Variants in LRIF1 observed in about 807,000 individuals in gnomAD.
LRIF1 encodes ligand dependent nuclear receptor interacting factor 1, also known as ligand-dependent nuclear receptor-interacting factor 1.
LRIF1 carries 32 observed loss-of-function variants against 52.7 expected under a neutral mutation model. The observed-to-expected ratio is 0.61, with a 90% CI of 0.46 to 0.82. The LOEUF (loss-of-function observed/expected upper bound fraction) is 0.82, where lower values mean the gene tolerates loss of function less well. Among genes scored for constraint, LRIF1 ranks in the 40% least tolerant of loss-of-function variants. The pLI is 0.00. For synonymous variants in LRIF1, 323 were observed against 317.4 expected (o/e 1.02, Z -0.19); for missense variants, 887 against 892.0 (o/e 0.99, Z 0.07).
intron 1 of LRIF1, among the ~76,000 whole-genome samples, chr1:110,961,374 G>C (rs1658941295): frequency 6.6e-6 from 1 of 152,196 alleles, no homozygotes; most frequent in Non-Finnish European, 1.5e-5. Flanking sequence ...TGGTAAGCTA[G>C]GATATGAACC....
chr1:110,898,379 G>GGA, the LRIF1 span, among the ~76,000 whole-genome samples: 1 of 115,658 alleles, frequency 8.6e-6, no homozygotes, highest in Non-Finnish European at 1.7e-5. Flanking sequence ...TCTGTCTCCA[G>GGA]AAAAAAAAAA....
At chr1:110,892,398 C>T in the LRIF1 span, 2 of 1,614,022 alleles carry the variant, frequency 1.2e-6, no homozygotes, top group Non-Finnish European at 1.7e-6. Flanking sequence ...TCCACAACAA[C>T]TTCGGAGTGC....
chr1:110,945,381 T>TC (rs1231777267), downstream of LRIF1, among the ~76,000 whole-genome samples: 1 of 151,868 alleles, frequency 6.6e-6, no homozygotes, highest in Non-Finnish European at 1.5e-5. Flanking sequence ...CACTTGCCCT[T>TC]CCCTCCCCCT....
chr1:110,891,386 C>A, the LRIF1 span: 279 of 1,601,132 alleles, frequency 1.7e-4, 1 homozygote, highest in Non-Finnish European at 8.6e-7. Flanking sequence ...CTTCCTTATT[C>A]CTTAGGGCAA....
chr1:110,949,066 G>A (rs1395549461), intron 3 of LRIF1, among the ~76,000 whole-genome samples: 2 of 151,974 alleles, frequency 1.3e-5, no homozygotes, highest in Non-Finnish European at 2.9e-5. Flanking sequence ...ATCTTTAACT[G>A]GGATGCATTT....
At chr1:110,960,708 T>A (rs1199802674) in intron 1 of LRIF1, among the ~76,000 whole-genome samples, 4 of 152,192 alleles carry the variant, frequency 2.6e-5, no homozygotes, top group Admixed American at 2.6e-4. Flanking sequence ...ACTGGCATCA[T>A]AATTGATCCC....
At chr1:110,960,389 T>C (rs566594452) in intron 1 of LRIF1, among the ~76,000 whole-genome samples, 21 of 152,206 alleles carry the variant, frequency 1.4e-4, no homozygotes, top group Admixed American at 4.6e-4. Context: ...ACAAAATGCA[T>C]ACTGAACTGA....
chr1:110,920,082 C>G, the LRIF1 span, among the ~76,000 whole-genome samples: 12 of 152,194 alleles, frequency 7.9e-5, no homozygotes, highest in African/African-American at 2.9e-4. Context: ...CCAGAAGTCT[C>G]TCATTCACTA....
chr1:110,916,253 C>T, the LRIF1 span, among the ~76,000 whole-genome samples: 1 of 152,030 alleles, frequency 6.6e-6, no homozygotes, highest in Admixed American at 6.5e-5. Context: ...ATAATAATAT[C>T]TTGCAAAGTT....
rs773379392 is a variant in LRIF1, at chr1:110,947,987, T to A, written c.2282A>T (p.Glu761Val). ...TTTTTGGTGCATCTTCTTACGCATT[T>A]CTTCAAGAGCTGCTTCTTTCTCTCT... ...VLREKEAALEEMRKKMHQK is the reference protein window; with the variant it reads ...VLREKEAALEVMRKKMHQK Residue 761 changes from glutamate (E) to valine (V), a missense_variant, in exon 4 of 4, where the codon GAA becomes GTA. By Grantham distance (121) the Glu-to-Val change is moderately radical (BLOSUM62 -2). Transcript: ENST00000369763. 4.4e-6 allele frequency: 7 copies of A among 1,584,110 alleles called. No individual in the cohort carries two copies. The highest frequency in any genetic ancestry group is 5.1e-6 in the Non-Finnish European group (6 of 1,168,428).
At chr1:110,880,715 T>C in the LRIF1 span, among the ~76,000 whole-genome samples, 2 of 152,202 alleles carry the variant, frequency 1.3e-5, no homozygotes, top group Non-Finnish European at 2.9e-5. Context: ...TCTGAGGTAA[T>C]GAGGCTTTGA....
the LRIF1 span, among the ~76,000 whole-genome samples, chr1:110,921,706 G>T: frequency 6.6e-6 from 1 of 152,100 alleles, no homozygotes; most frequent in East Asian, 1.9e-4. Flanking sequence ...TAATTATAGT[G>T]GGATATGTCT....
At chr1:110,897,858 T>A in the LRIF1 span, 1 of 1,612,020 alleles carries the variant, frequency 6.2e-7, no homozygotes, top group South Asian at 1.1e-5. Flanking sequence ...TTCCTGTATA[T>A]CGGAATCATC....
the LRIF1 span, among the ~76,000 whole-genome samples, chr1:110,879,273 C>A: frequency 6.6e-6 from 1 of 152,146 alleles, no homozygotes; most frequent in Non-Finnish European, 1.5e-5. Context: ...GCCCTCAGAA[C>A]AACCTCTGAG....
In LRIF1 at chr1:110,952,217, C is replaced by T. The variant is rs774733444; in HGVS notation, c.667G>A (p.Ala223Thr). Residue 223 changes from alanine to threonine, a missense_variant, in exon 2 of 4, where the codon GCC becomes ACC. By Grantham distance (58) the Ala-to-Thr change is moderately conservative. Coordinates refer to ENST00000369763, the MANE Select transcript of LRIF1 (RefSeq NM_018372.4). ...TAAATAACGGTTGGCATTTGGGAGGCCTCAACCATTCCTGAGGTACTGGTG... is the reference window on the plus strand; with the variant it reads ...TAAATAACGGTTGGCATTTGGGAGGTCTCAACCATTCCTGAGGTACTGGTG... ...ATTSTSGMVE[A>T]SQMPTVIYVS... 2 of 1,614,046 alleles carry T rather than the reference C, an allele frequency of 1.2e-6. No individual in the cohort carries two copies. Among genetic ancestry groups the T allele is most frequent in the African/African-American group, 2.7e-5 (2 of 74,902 alleles).
downstream of LRIF1, among the ~76,000 whole-genome samples, chr1:110,945,335 A>G (rs547174830): frequency 2.2e-4 from 33 of 152,188 alleles, no homozygotes; most frequent in Middle Eastern, 3.4e-3. Context: ...CTAGTTTTTA[A>G]TATTTTGCTT....
intron 3 of LRIF1, among the ~76,000 whole-genome samples, chr1:110,949,353 C>A (rs1463346540): frequency 6.6e-6 from 1 of 151,102 alleles, no homozygotes; most frequent in Non-Finnish European, 1.5e-5. Context: ...CTCTTGACCT[C>A]GTGATCCGCC....
chr1:110,888,528 T>C, the LRIF1 span, among the ~76,000 whole-genome samples: 1 of 152,206 alleles, frequency 6.6e-6, no homozygotes, highest in Non-Finnish European at 1.5e-5. Context: ...CATTATTTTA[T>C]AGTCTACATT....
At chr1:110,886,869 A>ATATATATATATATATTTTTTTTT in the LRIF1 span, among the ~76,000 whole-genome samples, 2 of 82,786 alleles carry the variant, frequency 2.4e-5, no homozygotes, top group Non-Finnish European at 4.5e-5. Flanking sequence ...ATATATATAT[A>ATATATATATATATATTTTTTTTT]TTTTTTTTTT....
Sources: gnomAD v4.1 joint callset for allele counts (sites outside exome capture counted in the v4.1 genomes callset) on GRCh38, gnomAD v4.1.1 for gene constraint, MANE v1.5 for transcripts, NCBI Gene and HGNC (gene_info 2026-07-23, HGNC 2026-07-21) for gene names.